The following LMBRD1 variants were observed in gnomAD, a reference collection of about 807,000 sequenced individuals.
LMBRD1 encodes the protein lysosomal cobalamin transport escort protein LMBD1.
LMBRD1 carries 64 observed loss-of-function variants against 74.8 expected under a neutral mutation model. The ratio of observed to expected loss-of-function variants is 0.86; its 90% CI spans 0.70 to 1.05. The LOEUF (loss-of-function observed/expected upper bound fraction) is 1.05, where lower values mean the gene tolerates loss of function less well. Ranked by LOEUF, LMBRD1 falls within the 50% of genes least tolerant of loss-of-function variation. LMBRD1 has a pLI of 0.00. For synonymous variants in LMBRD1, 204 were observed against 216.3 expected, an observed-to-expected ratio of 0.94 and a Z score of 0.50; for missense variants, 652 against 645.9, an observed-to-expected ratio of 1.01 and a Z score of -0.10.
At chr6:69,740,919 C>A (rs1562107428) in intron 6 of LMBRD1, among the ~76,000 whole-genome samples, 1 of 151,870 alleles carries the variant, frequency 6.6e-6, no homozygotes, top group East Asian at 1.9e-4. Flanking sequence ...AATCCGTGAG[C>A]CTTTTTTTTC....
chr6:69,712,306 A>C (rs1359080334), intron 9 of LMBRD1, among the ~76,000 whole-genome samples: 4 of 152,208 alleles, frequency 2.6e-5, no homozygotes, highest in African/African-American at 9.6e-5. Context: ...CATAGTCCCA[A>C]GAATTCAAGG....
At chr6:69,725,372 CACACA>C (rs1351090591) in intron 7 of LMBRD1, among the ~76,000 whole-genome samples, 2 of 127,880 alleles carry the variant, frequency 1.6e-5, no homozygotes, top group African/African-American at 5.4e-5. Context: ...CACACACACA[CACACA>C]AAACACACAC....
intron 3 of LMBRD1, among the ~76,000 whole-genome samples, chr6:69,778,595 T>G (rs531725148): frequency 6.6e-6 from 1 of 152,308 alleles, no homozygotes; most frequent in East Asian, 1.9e-4. Flanking sequence ...CAACATATGT[T>G]CTACAGAATC....
chr6:69,719,768 A>C (rs1766573900), intron 7 of LMBRD1, among the ~76,000 whole-genome samples: 1 of 152,208 alleles, frequency 6.6e-6, no homozygotes, highest in African/African-American at 2.4e-5. Context: ...TTTCCTTAGC[A>C]GAAACACTGA....
intron 9 of LMBRD1, among the ~76,000 whole-genome samples, chr6:69,706,577 A>T (rs1055408169): frequency 6.6e-6 from 1 of 152,132 alleles, no homozygotes; most frequent in East Asian, 1.9e-4. Context: ...TATTATCTAG[A>T]TGTAAAGTTT....
chr6:69,786,096 T>G (rs981680008), intron 2 of LMBRD1, among the ~76,000 whole-genome samples: 1 of 152,236 alleles, frequency 6.6e-6, no homozygotes, highest in Non-Finnish European at 1.5e-5. Context: ...ATCTTATTTG[T>G]TGATTATTGA....
intron 14 of LMBRD1, among the ~76,000 whole-genome samples, chr6:69,686,781 G>T (rs1267068567): frequency 1.3e-5 from 2 of 152,090 alleles, no homozygotes; most frequent in African/African-American, 4.8e-5. Context: ...GGCTCATTAT[G>T]ATCTGTATCA....
chr6:69,747,436 C>T (rs953482757), intron 5 of LMBRD1, among the ~76,000 whole-genome samples: 1 of 152,224 alleles, frequency 6.6e-6, no homozygotes, highest in Admixed American at 6.5e-5. Context: ...GCCACCCAGT[C>T]TATGATACCT....
intron 5 of LMBRD1, among the ~76,000 whole-genome samples, chr6:69,748,367 C>A (rs1235128521): frequency 1.3e-5 from 2 of 152,068 alleles, no homozygotes; most frequent in African/African-American, 4.8e-5. Flanking sequence ...TAGAAATATA[C>A]TCCAGAGCTA....
At chr6:69,712,712 C>T (rs1312198120) in intron 9 of LMBRD1, among the ~76,000 whole-genome samples, 1 of 151,848 alleles carries the variant, frequency 6.6e-6, no homozygotes, top group Non-Finnish European at 1.5e-5. Context: ...TAGTAGTTAC[C>T]AGGGAATGCA....
intron 14 of LMBRD1, among the ~76,000 whole-genome samples, chr6:69,691,670 A>C (rs1429188007): frequency 6.6e-6 from 1 of 152,032 alleles, no homozygotes; most frequent in Non-Finnish European, 1.5e-5. Context: ...AGGTCAGGAG[A>C]TGGAGATCAT....
At position 69,796,805 on chromosome 6, in the gene LMBRD1, T is replaced by C; in HGVS notation, c.69+8A>G. On this transcript the variant is annotated splice_region_variant and intron_variant, in intron 1 of 15. Transcript: ENST00000649934. The stretch of plus-strand genomic sequence containing the variant: ...AAACATGGGGAAAACTCCAAGCGCC[T>C]CCCCTACCAGTAGTAAGAGGCCGAA... 1 of 1,611,286 alleles carries C rather than the reference T, an allele frequency of 6.2e-7. No homozygotes were observed. Among genetic ancestry groups the C allele is most frequent in the Non-Finnish European group, 8.5e-7 (1 of 1,179,118 alleles).
intron 14 of LMBRD1, among the ~76,000 whole-genome samples, chr6:69,682,629 A>G (rs1168326491): frequency 6.6e-6 from 1 of 152,044 alleles, no homozygotes; most frequent in Non-Finnish European, 1.5e-5. Flanking sequence ...TAAATTACTG[A>G]GACTTACTAT....
chr6:69,701,388 T>G (rs934735779), intron 11 of LMBRD1, 55 bp downstream of exon 11: 44 of 1,006,094 alleles, frequency 4.4e-5, no homozygotes, highest in Non-Finnish European at 6.1e-5. Flanking sequence ...TTTGCTAGAC[T>G]CTAGCATTTT....
chr6:69,746,568 T>C (rs1375884199), intron 5 of LMBRD1: 1 of 152,766 alleles, frequency 6.5e-6, no homozygotes, highest in African/African-American at 2.4e-5. Context: ...AATGTGTTGG[T>C]TGTGGACCTG....
chr6:69,717,930 C>T (rs1766527075), intron 8 of LMBRD1, among the ~76,000 whole-genome samples: 1 of 152,122 alleles, frequency 6.6e-6, no homozygotes, highest in African/African-American at 2.4e-5. Context: ...AAATCCTAAG[C>T]TCAAGCAATC....
rs373773579 is a variant in LMBRD1 at position 69,714,445 on chromosome 6, A to G, written c.763-648T>C. On this transcript the variant is annotated intron_variant, in intron 8 of 15. Coordinates refer to ENST00000649934, the MANE Select transcript of LMBRD1 (RefSeq NM_018368.4). ...AACCATGAGCAGTACCTTTCTCATCATATCTCATAGATACACTTTCCCACT... is the reference window on the plus strand; with the variant it reads ...AACCATGAGCAGTACCTTTCTCATCGTATCTCATAGATACACTTTCCCACT... Among the ~76,000 whole-genome samples, 67 of 152,260 alleles carry G rather than the reference A, an allele frequency of 4.4e-4. 1 individual carries two copies. In the East Asian group the frequency reaches 8.7e-3, roughly 20 times the overall value.
At chr6:69,697,735 A>G in intron 13 of LMBRD1, 94 bp from the exon 14 acceptor site, 1 of 709,532 alleles carries the variant, frequency 1.4e-6, no homozygotes, top group Non-Finnish European at 2.4e-6. Context: ...TACTCTGTAT[A>G]CTAACTACAT....
At chr6:69,779,300 C>A (rs182767844) in intron 3 of LMBRD1, among the ~76,000 whole-genome samples, 3 of 151,652 alleles carry the variant, frequency 2.0e-5, no homozygotes, top group East Asian at 3.9e-4. Flanking sequence ...TACTCAGAAT[C>A]TTTATTGCTG....
Sources: allele counts gnomAD v4.1 joint callset (sites outside exome capture counted in the v4.1 genomes callset), GRCh38; gene constraint gnomAD v4.1.1; transcripts MANE v1.5; gene names NCBI Gene and HGNC (gene_info 2026-07-23, HGNC 2026-07-21).